Variants in IL1RAPL1 observed in about 807,000 individuals in gnomAD.
IL1RAPL1 encodes the protein interleukin-1 receptor accessory protein-like 1.
IL1RAPL1 carries 3 observed loss-of-function variants against 48.4 expected under a neutral mutation model. The ratio of observed to expected loss-of-function variants is 0.06; its 90% CI spans 0.03 to 0.16. IL1RAPL1 has a LOEUF of 0.16. Among genes scored for constraint, IL1RAPL1 ranks in the 10% least tolerant of loss-of-function variants. The probability of loss-of-function intolerance (pLI) is 1.00; values close to 1 mark genes in which losing one functional copy is unlikely to be tolerated. For synonymous variants in IL1RAPL1, 185 were observed against 187.7 expected (o/e 0.99, Z 0.12); for missense variants, 349 against 530.6 (o/e 0.66, Z 3.36).
chrX:29,381,968 T>G (rs1482912198), intron 3 of IL1RAPL1, among the ~76,000 whole-genome samples: 1 of 108,176 alleles, frequency 9.2e-6, no homozygotes, highest in Non-Finnish European at 1.9e-5. Flanking sequence ...GTAATTTTGA[T>G]TCCAAATAAA....
chrX:28,663,272 G>A (rs1403204160), intron 1 of IL1RAPL1, among the ~76,000 whole-genome samples: 1 of 111,818 alleles, frequency 8.9e-6, no homozygotes, highest in Non-Finnish European at 1.9e-5. Context: ...CATGCAGCCA[G>A]TAAGTGAACT....
At chrX:29,038,717 G>A (rs750909219) in intron 2 of IL1RAPL1, among the ~76,000 whole-genome samples, 3 of 111,641 alleles carry the variant, frequency 2.7e-5, no homozygotes, top group South Asian at 7.5e-4. Context: ...TTAAAGTGGG[G>A]AATCATTAAA....
intron 5 of IL1RAPL1, among the ~76,000 whole-genome samples, chrX:29,599,765 T>G (rs1370226657): frequency 8.9e-6 from 1 of 112,325 alleles, no homozygotes; most frequent in Non-Finnish European, 1.9e-5. Flanking sequence ...TCAAAAGCCC[T>G]GTCTTCAAGC....
At chrX:28,724,452 A>G (rs185025573) in intron 1 of IL1RAPL1, among the ~76,000 whole-genome samples, 1 of 110,524 alleles carries the variant, frequency 9.0e-6, no homozygotes, top group East Asian at 2.8e-4. Context: ...TTCTTGGTAG[A>G]TCTTCCTCCA....
intron 5 of IL1RAPL1, among the ~76,000 whole-genome samples, chrX:29,603,725 C>T (rs1923800632): frequency 8.9e-6 from 1 of 111,979 alleles, no homozygotes; most frequent in Admixed American, 9.5e-5. Context: ...TTGGTGACCA[C>T]ATCACATAAT....
At chrX:29,144,858 C>G (rs1452161822) in intron 2 of IL1RAPL1, among the ~76,000 whole-genome samples, 1 of 106,604 alleles carries the variant, frequency 9.4e-6, no homozygotes, top group Non-Finnish European at 1.9e-5. Context: ...TCCTGAGGAG[C>G]TGGGATTACA....
intron 2 of IL1RAPL1, among the ~76,000 whole-genome samples, chrX:28,904,528 A>G (rs1442970728): frequency 8.9e-6 from 1 of 112,274 alleles, no homozygotes; most frequent in African/African-American, 3.2e-5. Context: ...GAAAGGAGTG[A>G]TAATTTAAAT....
intron 8 of IL1RAPL1, among the ~76,000 whole-genome samples, chrX:29,923,284 A>G (rs1004059975): frequency 1.8e-5 from 2 of 112,531 alleles, no homozygotes; most frequent in Non-Finnish European, 3.8e-5. Context: ...GACCATAGAA[A>G]AATCTTGCTC....
chrX:28,938,941 T>C (rs962002814), intron 2 of IL1RAPL1, among the ~76,000 whole-genome samples: 6 of 110,199 alleles, frequency 5.4e-5, no homozygotes, highest in African/African-American at 2.0e-4. Context: ...TCATTGATCA[T>C]TAGAGAAATG....
At chrX:29,848,850 A>G (rs12115899) in intron 6 of IL1RAPL1, among the ~76,000 whole-genome samples, 10,989 of 110,258 alleles carry the variant, frequency 0.1, 1,366 homozygotes, top group African/African-American at 0.34. Flanking sequence ...ACTGCAACCT[A>G]TGCCTTCCGG....
chrX:28,622,064 A>G (rs1190037478), intron 1 of IL1RAPL1, among the ~76,000 whole-genome samples: 2 of 111,579 alleles, frequency 1.8e-5, no homozygotes, highest in African/African-American at 6.5e-5. Flanking sequence ...TCACATCTAA[A>G]TATACAACGT....
At chrX:29,586,172 G>T (rs765315243) in intron 5 of IL1RAPL1, among the ~76,000 whole-genome samples, 1 of 111,769 alleles carries the variant, frequency 8.9e-6, no homozygotes, top group African/African-American at 3.2e-5. Flanking sequence ...TAGTTTTACA[G>T]TTTCAGGTCT....
At chrX:29,360,276 G>A (rs1434316160) in intron 3 of IL1RAPL1, among the ~76,000 whole-genome samples, 2 of 111,728 alleles carry the variant, frequency 1.8e-5, no homozygotes, top group East Asian at 2.8e-4. Context: ...ATAAATGGTG[G>A]AGCTTGGATT....
intron 1 of IL1RAPL1, among the ~76,000 whole-genome samples, chrX:28,705,896 ATG>A (rs757945834): frequency 2.8e-4 from 31 of 112,107 alleles, no homozygotes; most frequent in Non-Finnish European, 4.7e-4. Flanking sequence ...AAGAGTTGAG[ATG>A]TGGCTTGCTG....
At chrX:29,349,626 C>A (rs1386349637) in intron 3 of IL1RAPL1, among the ~76,000 whole-genome samples, 1 of 111,430 alleles carries the variant, frequency 9.0e-6, no homozygotes, top group Non-Finnish European at 1.9e-5. Flanking sequence ...TCTGTTTGTA[C>A]CATTCAGTTT....
Position 28,791,083 on chromosome X carries a change from C to A in IL1RAPL1, c.82+1658C>A, listed in dbSNP as rs1936534244. Among the ~76,000 whole-genome samples, 4 of 111,088 alleles carry A rather than the reference C, an allele frequency of 3.6e-5. No individual in the cohort carries two copies. In the South Asian group the frequency reaches 1.5e-3, roughly 42 times the overall value. ...AACTTTATTTTTCTGGTTATTACCA[C>A]TAATTATATAAAATCTGTTTTTTTT... On this transcript the variant is annotated intron_variant, in intron 2 of 10. Transcript: ENST00000378993.
chrX:29,327,322 C>T (rs1932849242), intron 3 of IL1RAPL1, among the ~76,000 whole-genome samples: 1 of 109,657 alleles, frequency 9.1e-6, no homozygotes, highest in Non-Finnish European at 1.9e-5. Context: ...TAAATTACAC[C>T]AGTACTTCAT....
chrX:29,848,665 G>A (rs1364026553), intron 6 of IL1RAPL1, among the ~76,000 whole-genome samples: 1 of 111,719 alleles, frequency 9.0e-6, no homozygotes, highest in Non-Finnish European at 1.9e-5. Context: ...AAGCAATCAA[G>A]TGTGATAGAA....
intron 2 of IL1RAPL1, among the ~76,000 whole-genome samples, chrX:28,949,275 G>GTT (rs563294290): frequency 1.0e-5 from 1 of 98,487 alleles, no homozygotes; most frequent in African/African-American, 3.7e-5. Context: ...GGTGTTTTTT[G>GTT]TTTTTTTTTT....
Sources: allele counts gnomAD v4.1 joint callset (sites outside exome capture counted in the v4.1 genomes callset), GRCh38; gene constraint gnomAD v4.1.1; transcripts MANE v1.5; gene names NCBI Gene and HGNC (gene_info 2026-07-23, HGNC 2026-07-21).